Variants in LSAMP observed in about 807,000 individuals in gnomAD.
LSAMP encodes limbic system associated membrane protein.
Under a neutral mutation model 38.6 loss-of-function variants are expected in LSAMP, and 7 were observed. The ratio of observed to expected loss-of-function variants is 0.18; its 90% CI spans 0.10 to 0.34. The LOEUF (loss-of-function observed/expected upper bound fraction) is 0.34. Ranked by LOEUF, LSAMP falls within the 10% of genes least tolerant of loss-of-function variation. The pLI, the probability that LSAMP is intolerant of heterozygous loss-of-function variation, is 1.00. For synonymous variants in LSAMP, 154 were observed against 166.8 expected, an observed-to-expected ratio of 0.92 and a Z score of 0.59; for missense variants, 313 against 420.0, an observed-to-expected ratio of 0.75 and a Z score of 2.23.
chr3:115,975,922 T>C (rs1335981941), intron 3 of LSAMP, among the ~76,000 whole-genome samples: 1 of 152,184 alleles, frequency 6.6e-6, no homozygotes, highest in Non-Finnish European at 1.5e-5. Context: ...AACATCTCTC[T>C]TGGTTTTACC....
rs374118289 is a variant in LSAMP, at chr3:116,024,272, G to C, written c.389-4632C>G. ...AGAGCATGGTGCTTAGAACATAGTA[G>C]GTGCTCAAAAAGTGCTTGAAAAAAA... is the stretch of plus-strand genomic sequence containing the variant. On this transcript the variant is annotated intron_variant, in intron 2 of 6. Coordinates refer to ENST00000490035, the MANE Select transcript of LSAMP (RefSeq NM_002338.5). Among the ~76,000 whole-genome samples the C allele has an allele frequency of 7.9e-4, 120 of 152,172 alleles. 1 individual carries two copies. Among genetic ancestry groups the C allele is most frequent in the African/African-American group, 2.7e-3 (113 of 41,536 alleles).
intron 3 of LSAMP, among the ~76,000 whole-genome samples, chr3:115,867,318 G>A (rs1259110918): frequency 1.3e-5 from 2 of 152,000 alleles, no homozygotes; most frequent in Non-Finnish European, 2.9e-5. Flanking sequence ...AATACTGTCG[G>A]TTTCTGGAAG....
At chr3:115,910,916 G>T (rs1318187466) in intron 3 of LSAMP, among the ~76,000 whole-genome samples, 1 of 152,128 alleles carries the variant, frequency 6.6e-6, no homozygotes, top group Non-Finnish European at 1.5e-5. Context: ...GTAGAGTAGG[G>T]TGACTATACT....
At chr3:115,870,537 T>G (rs945793489) in intron 3 of LSAMP, among the ~76,000 whole-genome samples, 13 of 152,242 alleles carry the variant, frequency 8.5e-5, no homozygotes, top group African/African-American at 3.1e-4. Context: ...AAAGGAAGAT[T>G]CTCAGGCTTA....
At chr3:116,271,907 T>C (rs1035469640) in intron 1 of LSAMP, among the ~76,000 whole-genome samples, 16 of 151,034 alleles carry the variant, frequency 1.1e-4, no homozygotes, top group Admixed American at 1.0e-3. Flanking sequence ...GTATTTCCTA[T>C]TTATTCTATT....
intron 4 of LSAMP, among the ~76,000 whole-genome samples, chr3:115,847,998 G>A (rs1422641476): frequency 6.6e-6 from 1 of 152,126 alleles, no homozygotes; most frequent in Non-Finnish European, 1.5e-5. Flanking sequence ...AAACATTGTA[G>A]TACTCTGGGT....
chr3:116,293,825 G>A (rs563339567), intron 1 of LSAMP, among the ~76,000 whole-genome samples: 50 of 152,000 alleles, frequency 3.3e-4, no homozygotes, highest in African/African-American at 1.1e-3. Context: ...ATACTTTGAC[G>A]GTTTTAGTTA....
chr3:116,105,684 G>T (rs1011403148), intron 1 of LSAMP, among the ~76,000 whole-genome samples: 6 of 152,110 alleles, frequency 3.9e-5, no homozygotes, highest in Non-Finnish European at 7.4e-5. Flanking sequence ...GGCGGGGCAG[G>T]GCCTTTTCAC....
chr3:116,393,393 C>T (rs1018300236), intron 1 of LSAMP, among the ~76,000 whole-genome samples: 5 of 152,182 alleles, frequency 3.3e-5, no homozygotes, highest in Non-Finnish European at 7.3e-5. Flanking sequence ...AGAACCAGTG[C>T]CCGTTATGGC....
At chr3:116,374,193 C>T (rs768375913) in intron 1 of LSAMP, among the ~76,000 whole-genome samples, 5 of 151,810 alleles carry the variant, frequency 3.3e-5, no homozygotes, top group Admixed American at 2.6e-4. Flanking sequence ...TGATTAATAC[C>T]TTGCAAGACA....
intron 1 of LSAMP, among the ~76,000 whole-genome samples, chr3:116,239,366 C>A (rs2046503096): frequency 6.6e-6 from 1 of 151,632 alleles, no homozygotes; most frequent in African/African-American, 2.4e-5. Context: ...ATTTCAGTTC[C>A]AAAAATCCTA....
intron 1 of LSAMP, among the ~76,000 whole-genome samples, chr3:116,438,482 T>A (rs2049386656): frequency 6.6e-6 from 1 of 152,216 alleles, no homozygotes; most frequent in South Asian, 2.1e-4. Context: ...ACATCCTTTA[T>A]GAAAAGTCTT....
rs184136492 is a variant in LSAMP at position 116,004,221 on chromosome 3, C to T, written c.514+15294G>A. Among the ~76,000 whole-genome samples, 43 of 151,934 alleles carry T rather than the reference C, an allele frequency of 2.8e-4. No individual in the cohort carries two copies. In the East Asian group the frequency reaches 3.7e-3, roughly 13 times the overall value. On this transcript the variant is annotated intron_variant, in intron 3 of 6. Coordinates refer to ENST00000490035, the MANE Select transcript of LSAMP (RefSeq NM_002338.5). ...GTCCCAAATGGTTTCTTTTCTAGTA[C>T]GGGAACAGAATGAAAACTCATGGTC...
chr3:116,226,290 A>G (rs944194994), intron 1 of LSAMP, among the ~76,000 whole-genome samples: 2 of 152,234 alleles, frequency 1.3e-5, no homozygotes, highest in African/African-American at 2.4e-5. Context: ...TTCTGAAAAT[A>G]GCTGATTATC....
At chr3:115,903,753 CAGGTTTTAAT>C (rs1936940163) in intron 3 of LSAMP, among the ~76,000 whole-genome samples, 1 of 152,080 alleles carries the variant, frequency 6.6e-6, no homozygotes, top group Admixed American at 6.6e-5. Context: ...ATAGGTTTAA[CAGGTTTTAAT>C]AGGTTAGGCA....
intron 1 of LSAMP, among the ~76,000 whole-genome samples, chr3:116,122,375 C>G (rs796245644): frequency 1.4e-4 from 21 of 152,278 alleles, no homozygotes; most frequent in African/African-American, 4.8e-4. Context: ...CAAGAATGAT[C>G]TGATCTTTAC....
chr3:116,403,474 T>C (rs1373060053), intron 1 of LSAMP, among the ~76,000 whole-genome samples: 1 of 152,118 alleles, frequency 6.6e-6, no homozygotes, highest in Non-Finnish European at 1.5e-5. Flanking sequence ...TTGTGAACTT[T>C]TAAAGGACAT....
At chr3:115,921,578 T>TATGTACTGCC (rs1937383672) in intron 3 of LSAMP, among the ~76,000 whole-genome samples, 2 of 152,106 alleles carry the variant, frequency 1.3e-5, no homozygotes. Flanking sequence ...AAAAGTGATT[T>TATGTACTGCC]ATGTACTGCC....
intron 1 of LSAMP, among the ~76,000 whole-genome samples, chr3:116,184,380 T>C (rs1710561467): frequency 6.6e-6 from 1 of 151,940 alleles, no homozygotes; most frequent in Admixed American, 6.6e-5. Context: ...CTCTACTATC[T>C]TTATTCTTAG....
Sources: allele counts gnomAD v4.1 joint callset (sites outside exome capture counted in the v4.1 genomes callset), GRCh38; gene constraint gnomAD v4.1.1; transcripts MANE v1.5; gene names NCBI Gene and HGNC (gene_info 2026-07-23, HGNC 2026-07-21).